The following MARCHF3 variants were observed in gnomAD, a reference collection of about 807,000 sequenced individuals.
The protein encoded by MARCHF3 is membrane associated ring-CH-type finger 3.
MARCHF3 carries 13 observed loss-of-function variants against 24.2 expected under a neutral mutation model. The observed-to-expected ratio is 0.54, with a 90% CI of 0.35 to 0.85. MARCHF3 has a LOEUF of 0.85. Among genes scored for constraint, MARCHF3 ranks in the 40% least tolerant of loss-of-function variants. The pLI is 0.01. For synonymous variants in MARCHF3, 144 were observed against 137.3 expected (o/e 1.05, Z -0.34); for missense variants, 276 against 325.0 (o/e 0.85, Z 1.16).
chr5:127,021,255 G>T (rs990819668), intron 1 of MARCHF3, among the ~76,000 whole-genome samples: 6 of 152,110 alleles, frequency 3.9e-5, no homozygotes, highest in African/African-American at 1.4e-4. Flanking sequence ...TATTGCTTGG[G>T]GAACTGAGGT....
chr5:127,015,108 G>A (rs902192849), intron 1 of MARCHF3, among the ~76,000 whole-genome samples: 1 of 152,140 alleles, frequency 6.6e-6, no homozygotes, highest in Admixed American at 6.5e-5. Context: ...ATTATTATAT[G>A]TCAGTTAAAA....
chr5:126,948,441 C>T (rs1237488989), intron 1 of MARCHF3, among the ~76,000 whole-genome samples: 1 of 152,144 alleles, frequency 6.6e-6, no homozygotes, highest in African/African-American at 2.4e-5. Flanking sequence ...ACTGTGTGCC[C>T]CACACTAGGA....
chr5:126,885,077 G>C (rs541482068), intron 3 of MARCHF3, among the ~76,000 whole-genome samples: 43 of 152,110 alleles, frequency 2.8e-4, no homozygotes, highest in African/African-American at 1.0e-3. Flanking sequence ...CCTTCTCATG[G>C]AAAACACTCC....
At chr5:126,890,455 A>G (rs1172306458) in intron 3 of MARCHF3, among the ~76,000 whole-genome samples, 3 of 113,438 alleles carry the variant, frequency 2.6e-5, no homozygotes, top group South Asian at 6.1e-4. Flanking sequence ...ACCCCACAAC[A>G]GTCCCCAGAC....
intron 1 of MARCHF3, among the ~76,000 whole-genome samples, chr5:127,029,591 T>C (rs1753109384): frequency 6.6e-6 from 1 of 152,098 alleles, no homozygotes; most frequent in African/African-American, 2.4e-5. Flanking sequence ...CTGACTCAAC[T>C]TCATCACTTA....
intron 1 of MARCHF3, among the ~76,000 whole-genome samples, chr5:126,964,287 T>A (rs937852049): frequency 6.6e-6 from 1 of 152,202 alleles, no homozygotes; most frequent in Non-Finnish European, 1.5e-5. Context: ...TAGTCTGATG[T>A]CACAAGGCTG....
intron 1 of MARCHF3, among the ~76,000 whole-genome samples, chr5:126,927,642 G>A (rs1203079226): frequency 2.0e-5 from 3 of 152,154 alleles, no homozygotes; most frequent in Non-Finnish European, 4.4e-5. Context: ...TCAGTGGGAG[G>A]ACCGGCATGC....
At chr5:127,000,679 C>G (rs1367804123) in intron 1 of MARCHF3, among the ~76,000 whole-genome samples, 1 of 152,076 alleles carries the variant, frequency 6.6e-6, no homozygotes, top group African/African-American at 2.4e-5. Context: ...CTTGAGTTTG[C>G]CCTTTTATTT....
intron 1 of MARCHF3, among the ~76,000 whole-genome samples, chr5:126,958,454 T>C (rs1388724315): frequency 6.6e-6 from 1 of 152,200 alleles, no homozygotes; most frequent in Non-Finnish European, 1.5e-5. Context: ...AGTTCAATTT[T>C]CTTAAACTTC....
chr5:126,900,990 GCCACCGTGCCTGGA>G (rs1264514068), intron 3 of MARCHF3, among the ~76,000 whole-genome samples: 2 of 152,014 alleles, frequency 1.3e-5, no homozygotes, highest in African/African-American at 4.8e-5. Flanking sequence ...ACAGGCATGA[GCCACCGTGCCTGGA>G]CCACCTGCAT....
At chr5:126,922,548 ATTT>A (rs1749147632) in intron 1 of MARCHF3, among the ~76,000 whole-genome samples, 1 of 146,040 alleles carries the variant, frequency 6.8e-6, no homozygotes, top group Non-Finnish European at 1.5e-5. Flanking sequence ...TTATTTATTT[ATTT>A]ATTATTTATT....
At chr5:126,877,432 C>T (rs184861667) in intron 4 of MARCHF3, among the ~76,000 whole-genome samples, 1 of 152,288 alleles carries the variant, frequency 6.6e-6, no homozygotes, top group East Asian at 1.9e-4. Flanking sequence ...CCCTGCAGCT[C>T]CCAGAGGAAA....
chr5:126,973,557 T>C (rs1230604526), intron 1 of MARCHF3, among the ~76,000 whole-genome samples: 2 of 152,208 alleles, frequency 1.3e-5, no homozygotes. Context: ...AAGCAGACAA[T>C]TGCAGAAGTG....
rs1444506524 is a variant in MARCHF3, at chr5:126,893,548, T to C, written c.394-15154A>G. ...ATTTCTGCCTTCATTTCGTTATGTA[T>C]CCAGTAGTCATTCAGGAGCAGGTTG... On this transcript the variant is annotated intron_variant, in intron 3 of 4. Coordinates refer to ENST00000308660, the MANE Select transcript of MARCHF3 (RefSeq NM_178450.5). Among the ~76,000 whole-genome samples, 18 of 152,010 alleles carry C rather than the reference T, an allele frequency of 1.2e-4. No individual in the cohort carries two copies. In the East Asian group the frequency reaches 2.1e-3, roughly 18 times the overall value.
chr5:126,877,722 G>C (rs138207172), intron 4 of MARCHF3, among the ~76,000 whole-genome samples: 4 of 152,290 alleles, frequency 2.6e-5, no homozygotes, highest in African/African-American at 9.6e-5. Flanking sequence ...AAAGACTTTA[G>C]GCTGTGTCAG....
At chr5:126,874,672 G>A (rs898546259) in intron 4 of MARCHF3, among the ~76,000 whole-genome samples, 2 of 152,066 alleles carry the variant, frequency 1.3e-5, no homozygotes, top group Non-Finnish European at 2.9e-5. Flanking sequence ...GAAGTGGTGT[G>A]ACTTAGGGAT....
At chr5:126,997,127 T>C (rs1751973928) in intron 1 of MARCHF3, among the ~76,000 whole-genome samples, 1 of 152,210 alleles carries the variant, frequency 6.6e-6, no homozygotes, top group African/African-American at 2.4e-5. Context: ...GACAAGCAAC[T>C]ACTGTTATAA....
At chr5:127,028,561 G>C (rs939913447) in intron 1 of MARCHF3, among the ~76,000 whole-genome samples, 8 of 146,964 alleles carry the variant, frequency 5.4e-5, no homozygotes, top group Non-Finnish European at 8.9e-5. Context: ...TATTAAGGTA[G>C]GTTTTTTTTT....
At chr5:126,931,010 G>T (rs1389723441) in intron 1 of MARCHF3, among the ~76,000 whole-genome samples, 1 of 152,186 alleles carries the variant, frequency 6.6e-6, no homozygotes, top group Non-Finnish European at 1.5e-5. Flanking sequence ...TGTATTTTGG[G>T]AAATCGAGAT....
Sources: gnomAD v4.1 joint callset for allele counts (sites outside exome capture counted in the v4.1 genomes callset) on GRCh38, gnomAD v4.1.1 for gene constraint, MANE v1.5 for transcripts, NCBI Gene and HGNC (gene_info 2026-07-23, HGNC 2026-07-21) for gene names.